The following KCNE4 variants were observed in gnomAD, a reference collection of about 807,000 sequenced individuals.
KCNE4 encodes the protein potassium voltage-gated channel subfamily E member 4.
In KCNE4, 6 loss-of-function variants were observed where a neutral mutation model predicts 9.2. The ratio of observed to expected loss-of-function variants is 0.65; its 90% CI spans 0.36 to 1.29. The LOEUF is 1.29. Among genes scored for constraint, KCNE4 ranks in the 50% most tolerant of loss-of-function variants. The pLI is 0.03. For missense variants in KCNE4, 222 were observed against 228.8 expected (o/e 0.97, Z 0.19); for synonymous variants, 115 against 103.2 (o/e 1.11, Z -0.70).
chr2:223,054,396 C>A lies in KCNE4; in HGVS notation c.*1053C>A, dbSNP rs1698737919. The A allele has an allele frequency of 6.0e-6, 1 of 167,110 alleles. No individual in the cohort carries two copies. Among genetic ancestry groups the A allele is most frequent in the Non-Finnish European group, 1.5e-5 (1 of 68,128 alleles). The allele number at this position is 167,110 out of a possible 1,614,324, so 10.4% of individuals were successfully genotyped here. The stretch of plus-strand genomic sequence containing the variant: ...TCTGCATGAGGCTCCCGACGATCTC[C>A]ATCCCCAGGGGGTTGGGAGGATGTC... On this transcript the variant is annotated 3_prime_UTR_variant, in exon 2 of 2. Coordinates refer to ENST00000281830, the MANE Select transcript of KCNE4 (RefSeq NM_080671.4).
chr2:223,052,881 C>T lies in KCNE4; in HGVS notation c.51C>T (p.Ser17=), dbSNP rs1178265246. The change falls in exon 2 of 2, where the codon TCC becomes TCT. Residue 17 remains serine (S), a synonymous_variant. Transcript: ENST00000281830. ...GCACGCACCCCGGCACCGCCGCCTC[C>T]AGCAGCCCCCTGGAGTCCCGTGCGG... ...LNSTHPGTAA[S]SSPLESRAAG... The T allele has an allele frequency of 3.7e-6, 6 of 1,613,970 alleles. No individual in the cohort carries two copies. Among genetic ancestry groups the T allele is most frequent in the Non-Finnish European group, 5.1e-6 (6 of 1,179,984 alleles).
In KCNE4 at chr2:223,052,864, C is replaced by CCCGGCA. The variant is rs955656654; in HGVS notation, c.38_43dup (p.Gly13_Thr14dup). ...AATGGAGCCTCTGAACAGCACGCAC[C>CCCGGCA]CCGGCACCGCCGCCTCCAGCAGCCC... On this transcript the variant is annotated inframe_insertion, in exon 2 of 2. Coordinates refer to ENST00000281830, the MANE Select transcript of KCNE4 (RefSeq NM_080671.4). 3.7e-6 allele frequency: 6 copies of CCCGGCA among 1,613,488 alleles called. No homozygotes were observed. The African/African-American group carries it at 8.0e-5, about 21-fold the overall frequency.
In KCNE4 at chr2:223,052,230, T is replaced by A. The variant is rs72548793; in HGVS notation, c.-68T>A. ...ACAGAGCAGAAGAACCCTCTTGGAC[T>A]GGACGATTTGGGAATTCAAAACTTG... is the stretch of plus-strand genomic sequence containing the variant. On this transcript the variant is annotated 5_prime_UTR_variant, in exon 1 of 2. Transcript: ENST00000281830. 1 of 1,235,814 alleles carries A rather than the reference T, an allele frequency of 8.1e-7. No homozygotes were observed. Among genetic ancestry groups the A allele is most frequent in the African/African-American group, 1.5e-5 (1 of 64,564 alleles). The allele number at this position is 1,235,814 out of a possible 1,614,324, so 76.6% of individuals were successfully genotyped here.
Position 223,053,085 on chromosome 2 carries a change from G to A in KCNE4, c.255G>A (p.Lys85=), listed in dbSNP as rs1397982457. 1.2e-6 allele frequency: 2 copies of A among 1,613,902 alleles called. No homozygotes were observed. The highest frequency in any genetic ancestry group is 1.7e-6 in the Non-Finnish European group (2 of 1,180,006). The part of the protein sequence containing the change: ...DEERLWGEAM[K]PLPVVSGLRS... The stretch of plus-strand genomic sequence containing the variant: ...AGCGGCTCTGGGGGGAGGCCATGAA[G>A]CCGCTGCCTGTGGTGTCGGGCCTGA... The change falls in exon 2 of 2, where the codon AAG becomes AAA. Residue 85 remains lysine (K), a synonymous_variant. Transcript: ENST00000281830. The surrounding 1 kb of genome is among the most constrained non-coding windows in gnomAD (Gnocchi z 4.1).
At position 223,054,839 on chromosome 2, in the gene KCNE4, T is replaced by A. The variant is rs572404941; in HGVS notation, c.*1496T>A. The stretch of plus-strand genomic sequence containing the variant: ...ATTTAAATCTATTTAAAAAAACTTT[T>A]AAAAAAATTATTTATTTATTATTAT... On this transcript the variant is annotated 3_prime_UTR_variant, in exon 2 of 2. Coordinates refer to ENST00000281830, the MANE Select transcript of KCNE4 (RefSeq NM_080671.4). The A allele has an allele frequency of 2.8e-3, 465 of 166,664 alleles. No individual in the cohort carries two copies. Among genetic ancestry groups the A allele is most frequent in the Non-Finnish European group, 4.8e-3 (327 of 68,088 alleles). 10.3% of individuals were successfully genotyped at this position (166,664 alleles called of 1,614,324 possible). A position where few individuals can be genotyped will look rare whatever the true frequency, so the allele number is the denominator to read the frequency against.
At position 223,053,459 on chromosome 2, in the gene KCNE4, T is replaced by A. The variant is rs1698726234; in HGVS notation, c.*116T>A. The A allele has an allele frequency of 1.8e-6, 2 of 1,096,450 alleles. No homozygotes were observed. Among genetic ancestry groups the A allele is most frequent in the African/African-American group, 3.1e-5 (2 of 64,466 alleles). 67.9% of individuals were successfully genotyped at this position (1,096,450 alleles called of 1,614,324 possible). A position where few individuals can be genotyped will look rare whatever the true frequency, so the allele number is the denominator to read the frequency against. ...TGCGGCTGCCACTTTGAAGAGACCCTTGGTAAACCCCTGATTCGGGGTGGG... is the reference window on the plus strand; with the variant it reads ...TGCGGCTGCCACTTTGAAGAGACCCATGGTAAACCCCTGATTCGGGGTGGG... On this transcript the variant is annotated 3_prime_UTR_variant, in exon 2 of 2. Transcript: ENST00000281830. The surrounding 1 kb of genome is among the most constrained non-coding windows in gnomAD (Gnocchi z 4.1).
At chr2:223,052,500 T>C (rs1260154943) in intron 1 of KCNE4, among the ~76,000 whole-genome samples, 1 of 128,554 alleles carries the variant, frequency 7.8e-6, no homozygotes, top group Non-Finnish European at 1.6e-5. Flanking sequence ...TACTGTATGC[T>C]CCTGTCTTAC....
Position 223,052,233 on chromosome 2 carries a change from A to G in KCNE4, c.-65A>G. 5 of 1,235,730 alleles carry G rather than the reference A, an allele frequency of 4.0e-6. No individual in the cohort carries two copies. Among genetic ancestry groups the G allele is most frequent in the Non-Finnish European group, 5.0e-6 (5 of 990,500 alleles). 76.5% of individuals were successfully genotyped at this position (1,235,730 alleles called of 1,614,324 possible). ...GAGCAGAAGAACCCTCTTGGACTGG[A>G]CGATTTGGGAATTCAAAACTTGGGA... On this transcript the variant is annotated 5_prime_UTR_variant, in exon 1 of 2. Transcript: ENST00000281830.
Position 223,053,214 on chromosome 2 carries a change from G to C in KCNE4, c.384G>C (p.Glu128Asp). The C allele has an allele frequency of 6.2e-7, 1 of 1,613,388 alleles. No individual in the cohort carries two copies. Among genetic ancestry groups the C allele is most frequent in the Non-Finnish European group, 8.5e-7 (1 of 1,179,608 alleles). The change falls in exon 2 of 2, where the codon GAG becomes GAC. Residue 128 changes from glutamate to aspartate, a missense_variant. Transcript: ENST00000281830. This position sits in a 1 kb window ranked among gnomAD's most constrained non-coding sequence, Gnocchi z 4.1. ...TGGAAGGGGACAGCGTGAGCTCCGAGTCCTCCTCCCCGGACGTGCACCTCA... is the reference window on the plus strand; with the variant it reads ...TGGAAGGGGACAGCGTGAGCTCCGACTCCTCCTCCCCGGACGTGCACCTCA... Reference protein sequence around the residue: ...CSMEGDSVSSESSSPDVHLTI... With the variant: ...CSMEGDSVSSDSSSPDVHLTI...
In KCNE4 at chr2:223,053,159, C is replaced by T. The variant is rs1698721085; in HGVS notation, c.329C>T (p.Ala110Val). Residue 110 changes from alanine (A) to valine (V), a missense_variant, in exon 2 of 2, where the codon GCG (alanine) becomes GTG (valine). Physicochemically the swap from Ala to Val is moderately conservative, Grantham distance 64. Transcript: ENST00000281830. This position sits in a 1 kb window ranked among gnomAD's most constrained non-coding sequence, Gnocchi z 4.1. ...LMLNMLQESV[A>V]PALSCTLCSM... ...CTGAACATGCTGCAGGAGAGCGTGGCGCCCGCGCTGTCCTGCACCCTCTGT... is the reference window on the plus strand; with the variant it reads ...CTGAACATGCTGCAGGAGAGCGTGGTGCCCGCGCTGTCCTGCACCCTCTGT... 6.2e-7 allele frequency: 1 copy of T among 1,611,168 alleles called. No individual in the cohort carries two copies. The highest frequency in any genetic ancestry group is 2.2e-5 in the East Asian group (1 of 44,810).
rs1275521394 is a variant in KCNE4, at chr2:223,053,763, C to G, written c.*420C>G. 4.0e-6 allele frequency: 1 copy of G among 249,352 alleles called. No homozygotes were observed. The highest frequency in any genetic ancestry group is 8.6e-6 in the Non-Finnish European group (1 of 116,086). The allele number at this position is 249,352 out of a possible 1,614,324, so 15.4% of individuals were successfully genotyped here. A position where few individuals can be genotyped will look rare whatever the true frequency, so the allele number is the denominator to read the frequency against. ...TTGTGATTTGCTATTTTGCCTAGAGCTTTGTCCTTCTAGATCTGATTGGCT... is the reference window on the plus strand; with the variant it reads ...TTGTGATTTGCTATTTTGCCTAGAGGTTTGTCCTTCTAGATCTGATTGGCT... On this transcript the variant is annotated 3_prime_UTR_variant, in exon 2 of 2. Transcript: ENST00000281830. The surrounding 1 kb of genome is among the most constrained non-coding windows in gnomAD (Gnocchi z 4.1).
chr2:223,052,373 T>C, intron 1 of KCNE4, 99 bp downstream of exon 1: 6 of 916,764 alleles, frequency 6.5e-6, no homozygotes, highest in Non-Finnish European at 8.6e-6. Flanking sequence ...TTCTTCCTGC[T>C]TTTCTTTGTT....
At position 223,053,160 on chromosome 2, in the gene KCNE4, G is replaced by T. The variant is rs1370867085; in HGVS notation, c.330G>T (p.Ala110=). 15 of 1,611,122 alleles carry T rather than the reference G, an allele frequency of 9.3e-6. No individual in the cohort carries two copies. Among genetic ancestry groups the T allele is most frequent in the Non-Finnish European group, 1.2e-5 (14 of 1,178,182 alleles). Residue 110 remains alanine (A), a synonymous_variant, in exon 2 of 2, where the codon GCG becomes GCT. Transcript: ENST00000281830. This position sits in a 1 kb window ranked among gnomAD's most constrained non-coding sequence, Gnocchi z 4.1. ...LMLNMLQESV[A]PALSCTLCSM... ...TGAACATGCTGCAGGAGAGCGTGGC[G>T]CCCGCGCTGTCCTGCACCCTCTGTT... is the stretch of plus-strand genomic sequence containing the variant.
rs1698755288 is a variant in KCNE4 at position 223,055,595 on chromosome 2, TTAAA to T, written c.*2261_*2264del. 1 of 165,868 alleles carries T rather than the reference TTAAA, an allele frequency of 6.0e-6. No individual in the cohort carries two copies. The highest frequency in any genetic ancestry group is 2.4e-5 in the African/African-American group (1 of 41,476). 10.3% of individuals were successfully genotyped at this position (165,868 alleles called of 1,614,324 possible). On this transcript the variant is annotated 3_prime_UTR_variant, in exon 2 of 2. Transcript: ENST00000281830. ...TGTAATTTTCACAATATTTTTTAAT[TTAAA>T]TAAATAAACACATTTTTTCCCTCCT...
Position 223,053,565 on chromosome 2 carries a change from GCCGCGGAGA to G in KCNE4, c.*223_*231del. ...GTGGTTTGCACCCACCACTGAAAAA[GCCGCGGAGA>G]TGCGCAGCGCGTACACTGACTTTGG... On this transcript the variant is annotated 3_prime_UTR_variant, in exon 2 of 2. Coordinates refer to ENST00000281830, the MANE Select transcript of KCNE4 (RefSeq NM_080671.4). This position sits in a 1 kb window ranked among gnomAD's most constrained non-coding sequence, Gnocchi z 4.1. The G allele has an allele frequency of 1.7e-6, 1 of 600,046 alleles. No homozygotes were observed. The highest frequency in any genetic ancestry group is 3.1e-6 in the Non-Finnish European group (1 of 327,838). 37.2% of individuals were successfully genotyped at this position (600,046 alleles called of 1,614,324 possible).
At chr2:223,052,344 T>C in intron 1 of KCNE4, 70 bp downstream of exon 1, 5 of 1,122,220 alleles carry the variant, frequency 4.5e-6, no homozygotes, top group Non-Finnish European at 5.6e-6. Context: ...AATTAATAGA[T>C]GAATTTTTTT....
Position 223,054,624 on chromosome 2 carries a change from A to C in KCNE4, c.*1281A>C, listed in dbSNP as rs1698740535. ...TGTAGTTTTCCCAGGACTGAAGGAA[A>C]GAGGCAGACACCACATTCTCCTCTG... is the stretch of plus-strand genomic sequence containing the variant. On this transcript the variant is annotated 3_prime_UTR_variant, in exon 2 of 2. Transcript: ENST00000281830. 6.0e-6 allele frequency: 1 copy of C among 167,034 alleles called. No homozygotes were observed. Among genetic ancestry groups the C allele is most frequent in the African/African-American group, 2.4e-5 (1 of 41,434 alleles). The allele number at this position is 167,034 out of a possible 1,614,324, so 10.3% of individuals were successfully genotyped here.
chr2:223,053,446 T>C lies in KCNE4; in HGVS notation c.*103T>C. ...TTCACTTTCACAGTGCGGCTGCCAC[T>C]TTGAAGAGACCCTTGGTAAACCCCT... On this transcript the variant is annotated 3_prime_UTR_variant, in exon 2 of 2. Transcript: ENST00000281830. The surrounding 1 kb of genome is among the most constrained non-coding windows in gnomAD (Gnocchi z 4.1). 8.4e-7 allele frequency: 1 copy of C among 1,196,406 alleles called. No individual in the cohort carries two copies. Among genetic ancestry groups the C allele is most frequent in the Non-Finnish European group, 1.2e-6 (1 of 824,416 alleles). 74.1% of individuals were successfully genotyped at this position (1,196,406 alleles called of 1,614,324 possible).
chr2:223,053,109 G>A lies in KCNE4; in HGVS notation c.279G>A (p.Leu93=). The part of the protein sequence containing the change: ...AMKPLPVVSG[L]RSVQVPLMLN... ...AGCCGCTGCCTGTGGTGTCGGGCCTGAGGTCGGTGCAGGTGCCCCTGATGC... is the reference window on the plus strand; with the variant it reads ...AGCCGCTGCCTGTGGTGTCGGGCCTAAGGTCGGTGCAGGTGCCCCTGATGC... Residue 93 remains leucine, a synonymous_variant, in exon 2 of 2, where the codon CTG becomes CTA. Coordinates refer to ENST00000281830, the MANE Select transcript of KCNE4 (RefSeq NM_080671.4). The surrounding 1 kb of genome is among the most constrained non-coding windows in gnomAD (Gnocchi z 4.1). 6.2e-7 allele frequency: 1 copy of A among 1,613,878 alleles called. No individual in the cohort carries two copies. The highest frequency in any genetic ancestry group is 8.5e-7 in the Non-Finnish European group (1 of 1,179,946).
Sources: gnomAD v4.1 joint callset for allele counts (sites outside exome capture counted in the v4.1 genomes callset) on GRCh38, gnomAD v4.1.1 for gene constraint, Gnocchi (gnomAD v3.1) non-coding constraint, MANE v1.5 for transcripts, NCBI Gene and HGNC (gene_info 2026-07-23, HGNC 2026-07-21) for gene names.